FRMPD4: variants seen among roughly 807,000 people sequenced by gnomAD.
FRMPD4 encodes FERM and PDZ domain-containing protein 4.
FRMPD4 carries 22 observed loss-of-function variants against 94.1 expected under a neutral mutation model. That is an observed-to-expected ratio of 0.23 (90% CI 0.17 to 0.33). The LOEUF is 0.33. Ranked by LOEUF, FRMPD4 falls within the 10% of genes least tolerant of loss-of-function variation. The pLI, the probability that FRMPD4 is intolerant of heterozygous loss-of-function variation, is 1.00. For synonymous variants in FRMPD4, 631 were observed against 548.6 expected, an observed-to-expected ratio of 1.15 and a Z score of -2.10; for missense variants, 1,111 against 1,339.9, an observed-to-expected ratio of 0.83 and a Z score of 2.67.
At chrX:12,426,752 TG>T (rs746487038) in intron 1 of FRMPD4, among the ~76,000 whole-genome samples, 1 of 111,826 alleles carries the variant, frequency 8.9e-6, no homozygotes, top group Non-Finnish European at 1.9e-5. Flanking sequence ...ATCAGTCCGA[TG>T]GTTAATTTCA....
chrX:12,277,915 A>G (rs1024310246), intron 1 of FRMPD4, among the ~76,000 whole-genome samples: 1 of 112,254 alleles, frequency 8.9e-6, no homozygotes, highest in Non-Finnish European at 1.9e-5. Flanking sequence ...ACTAAGGTTT[A>G]AAAGGGGGTG....
intron 3 of FRMPD4, among the ~76,000 whole-genome samples, chrX:11,931,217 C>T (rs1442075497): frequency 2.7e-5 from 3 of 112,175 alleles, no homozygotes; most frequent in African/African-American, 9.7e-5. Context: ...AGTGAGCCCC[C>T]AGATTCCATT....
At chrX:12,537,454 CCTTT>C (rs2058351748) in intron 2 of FRMPD4, among the ~76,000 whole-genome samples, 1 of 88,046 alleles carries the variant, frequency 1.1e-5, no homozygotes, top group Non-Finnish European at 2.2e-5. Flanking sequence ...TTTTTTTTTT[CCTTT>C]TTTTTTTTTT....
chrX:12,052,283 T>C (rs776026564), intron 3 of FRMPD4, among the ~76,000 whole-genome samples: 12 of 111,665 alleles, frequency 1.1e-4, no homozygotes, highest in Admixed American at 1.9e-4. Context: ...GAAAGGAAGC[T>C]TGTAAAAGTG....
intron 1 of FRMPD4, among the ~76,000 whole-genome samples, chrX:12,350,557 C>T (rs762189807): frequency 8.9e-6 from 1 of 112,004 alleles, no homozygotes; most frequent in Middle Eastern, 4.2e-3. Flanking sequence ...TAAACTGTCT[C>T]ATAGTCTCAT....
At chrX:11,927,984 A>C (rs1314998253) in intron 3 of FRMPD4, among the ~76,000 whole-genome samples, 1 of 112,480 alleles carries the variant, frequency 8.9e-6, no homozygotes, top group Admixed American at 9.4e-5. Flanking sequence ...AGAATGGGAG[A>C]AGATTTTTGC....
At chrX:12,387,708 T>G (rs769123585) in intron 1 of FRMPD4, among the ~76,000 whole-genome samples, 30 of 109,812 alleles carry the variant, frequency 2.7e-4, no homozygotes, top group South Asian at 3.8e-4. Context: ...TTGTTTGTTT[T>G]TTTTTTTCCT....
intron 1 of FRMPD4, among the ~76,000 whole-genome samples, chrX:12,176,451 T>C (rs1034491053): frequency 3.6e-5 from 4 of 111,768 alleles, no homozygotes; most frequent in African/African-American, 1.3e-4. Context: ...TGTGGCCGTA[T>C]TTCCCCAAAT....
intron 3 of FRMPD4, among the ~76,000 whole-genome samples, chrX:12,060,496 G>A (rs6640876): frequency 0.12 from 13,069 of 108,246 alleles, 877 homozygotes; most frequent in African/African-American, 0.23. Flanking sequence ...TACTGTGAAA[G>A]AAGCCCCAAC....
At chrX:12,383,790 A>G (rs766267950) in intron 1 of FRMPD4, among the ~76,000 whole-genome samples, 2 of 112,036 alleles carry the variant, frequency 1.8e-5, no homozygotes, top group African/African-American at 6.5e-5. Flanking sequence ...TAAATAATCA[A>G]TAGGTTCAAT....
chrX:12,542,500 T>C (rs1216772304), intron 2 of FRMPD4, among the ~76,000 whole-genome samples: 1 of 111,841 alleles, frequency 8.9e-6, no homozygotes, highest in Non-Finnish European at 1.9e-5. Flanking sequence ...TCAAAGAGAA[T>C]AAAATACCTA....
intron 1 of FRMPD4, among the ~76,000 whole-genome samples, chrX:12,247,607 G>A (rs909119570): frequency 2.7e-5 from 3 of 111,857 alleles, no homozygotes; most frequent in Middle Eastern, 4.6e-3. Flanking sequence ...GGCTGGTCGT[G>A]AACTCCTGGA....
At chrX:12,695,657 C>G (rs2060121494) in intron 9 of FRMPD4, among the ~76,000 whole-genome samples, 1 of 112,144 alleles carries the variant, frequency 8.9e-6, no homozygotes, top group African/African-American at 3.2e-5. Flanking sequence ...CGCACCTTGG[C>G]CTCCCAAAGT....
chrX:12,270,466 G>A (rs372539610), intron 1 of FRMPD4, among the ~76,000 whole-genome samples: 2 of 111,238 alleles, frequency 1.8e-5, no homozygotes, highest in African/African-American at 6.5e-5. Context: ...TCTTGATATT[G>A]CAATTAAGTA....
intron 1 of FRMPD4, among the ~76,000 whole-genome samples, chrX:12,383,633 C>T (rs1338959014): frequency 2.7e-5 from 3 of 111,406 alleles, no homozygotes; most frequent in Admixed American, 9.6e-5. Flanking sequence ...TTCAGCACGA[C>T]GCCTAGCATA....
chrX:12,071,349 C>T lies in FRMPD4; in HGVS notation c.95+193331C>T, dbSNP rs140733544. Among the ~76,000 whole-genome samples the T allele has an allele frequency of 5.5e-3, 606 of 111,145 alleles. 3 individuals carry two copies. Among genetic ancestry groups the T allele is most frequent in the African/African-American group, 0.017 (505 of 30,555 alleles). On this transcript the variant is annotated intron_variant, in intron 3 of 18. Transcript: ENST00000640291. ...CCATGACATATAACACACATATCAGCGGAAATGGTCTCAATAAGTTGCATG... is the reference window on the plus strand; with the variant it reads ...CCATGACATATAACACACATATCAGTGGAAATGGTCTCAATAAGTTGCATG...
chrX:11,863,017 T>C (rs1230377274), intron 1 of FRMPD4, among the ~76,000 whole-genome samples: 1 of 105,004 alleles, frequency 9.5e-6, no homozygotes, highest in Non-Finnish European at 2.0e-5. Flanking sequence ...TATTATACTT[T>C]AAGTTTTAGG....
At chrX:12,584,117 C>T (rs1321962346) in intron 2 of FRMPD4, among the ~76,000 whole-genome samples, 1 of 112,273 alleles carries the variant, frequency 8.9e-6, no homozygotes, top group Non-Finnish European at 1.9e-5. Context: ...ATTAGCGTTC[C>T]TCAAAGCCCC....
intron 3 of FRMPD4, among the ~76,000 whole-genome samples, chrX:11,973,664 G>A (rs189724213): frequency 6.3e-5 from 7 of 111,955 alleles, no homozygotes; most frequent in African/African-American, 1.9e-4. Context: ...ATAAGTGTTC[G>A]TTCTTCATTT....
Sources: allele counts gnomAD v4.1 joint callset (sites outside exome capture counted in the v4.1 genomes callset), GRCh38; gene constraint gnomAD v4.1.1; transcripts MANE v1.5; gene names NCBI Gene and HGNC (gene_info 2026-07-23, HGNC 2026-07-21).